The following EPHB2 variants were observed in gnomAD, a reference collection of about 807,000 sequenced individuals.
EPHB2 encodes the protein ephrin type-B receptor 2.
In EPHB2, 18 loss-of-function variants were observed where a neutral mutation model predicts 96.4. The observed-to-expected ratio is 0.19, with a 90% CI of 0.13 to 0.28. The LOEUF (loss-of-function observed/expected upper bound fraction) is 0.28. Among genes scored for constraint, EPHB2 ranks in the 10% least tolerant of loss-of-function variants. The probability of loss-of-function intolerance (pLI) is 1.00; values close to 1 mark genes in which losing one functional copy is unlikely to be tolerated. For synonymous variants in EPHB2, 506 were observed against 534.1 expected (o/e 0.95, Z 0.72); for missense variants, 989 against 1,355.4 (o/e 0.73, Z 4.25).
At chr1:22,778,662 T>G (rs1308685794) in intron 1 of EPHB2, among the ~76,000 whole-genome samples, 1 of 152,184 alleles carries the variant, frequency 6.6e-6, no homozygotes, top group African/African-American at 2.4e-5. Context: ...TTGCGTTCCC[T>G]TTGTGTCTGC....
intron 1 of EPHB2, among the ~76,000 whole-genome samples, chr1:22,772,009 G>A (rs568243266): frequency 5.3e-4 from 80 of 152,174 alleles, no homozygotes; most frequent in Non-Finnish European, 8.8e-4. Flanking sequence ...GGCTGTTCCC[G>A]TCCCTGCCTC....
At chr1:22,876,543 CT>C (rs1402779456) in intron 5 of EPHB2, among the ~76,000 whole-genome samples, 1 of 152,198 alleles carries the variant, frequency 6.6e-6, no homozygotes, top group Admixed American at 6.5e-5. Context: ...CCTGGCCGGC[CT>C]CCCCCTGCCC....
rs572120872 is a variant in EPHB2, at chr1:22,779,107, C to T, written c.62-2314C>T. ...GGCCCAGGCAGAGAGCCCGGCTTGG[C>T]GCGTCTCTGGCTGAGGCCGATGAGA... is the stretch of plus-strand genomic sequence containing the variant. On this transcript the variant is annotated intron_variant, in intron 1 of 15. Coordinates refer to ENST00000374630, the MANE Select transcript of EPHB2 (RefSeq NM_017449.5). Among the ~76,000 whole-genome samples the T allele has an allele frequency of 7.9e-5, 12 of 152,334 alleles. No homozygotes were observed. The South Asian group carries it at 1.7e-3, about 21-fold the overall frequency.
chr1:22,832,644 C>A (rs1316676088), intron 3 of EPHB2, among the ~76,000 whole-genome samples: 1 of 152,178 alleles, frequency 6.6e-6, no homozygotes, highest in African/African-American at 2.4e-5. Context: ...GATGCCTCTT[C>A]CTCCAGGAAT....
chr1:22,865,004 TGGCTCG>T lies in EPHB2; in HGVS notation c.1099_1104del (p.Ser367_Gly368del), dbSNP rs1176762555. 2 of 1,611,072 alleles carry T rather than the reference TGGCTCG, an allele frequency of 1.2e-6. No individual in the cohort carries two copies. Among genetic ancestry groups the T allele is most frequent in the Non-Finnish European group, 8.5e-7 (1 of 1,177,692 alleles). On this transcript the variant is annotated inframe_deletion, in exon 5 of 16. Coordinates refer to ENST00000374630, the MANE Select transcript of EPHB2 (RefSeq NM_017449.5). The stretch of plus-strand genomic sequence containing the variant: ...TCTACAACATCATCTGCAAGAGCTG[TGGCTCG>T]GGCCGGGGTGCCTGCACCCGCTGCG...
chr1:22,834,410 C>A (rs1479481328), intron 3 of EPHB2, among the ~76,000 whole-genome samples: 1 of 152,032 alleles, frequency 6.6e-6, no homozygotes, highest in Admixed American at 6.6e-5. Context: ...TGACTTCGGA[C>A]GATTAAAATA....
chr1:22,902,514 C>T (rs1055633803), intron 9 of EPHB2, among the ~76,000 whole-genome samples: 2 of 152,210 alleles, frequency 1.3e-5, no homozygotes, highest in African/African-American at 4.8e-5. Flanking sequence ...GGAGCATACA[C>T]ACACAGGAAT....
intron 3 of EPHB2, among the ~76,000 whole-genome samples, chr1:22,853,832 G>A (rs907709521): frequency 2.6e-5 from 4 of 152,248 alleles, no homozygotes; most frequent in African/African-American, 9.6e-5. Context: ...GGGAGCCACC[G>A]AAGGGTCCTG....
chr1:22,743,679 G>A (rs1643931288), intron 1 of EPHB2, among the ~76,000 whole-genome samples: 1 of 151,888 alleles, frequency 6.6e-6, no homozygotes, highest in Non-Finnish European at 1.5e-5. Context: ...CACCACGTTG[G>A]CCAGGCTGGT....
At chr1:22,861,824 A>G (rs891711429) in intron 3 of EPHB2, among the ~76,000 whole-genome samples, 1 of 152,234 alleles carries the variant, frequency 6.6e-6, no homozygotes, top group East Asian at 1.9e-4. Context: ...TTAATTGTTT[A>G]CATACACAGA....
chr1:22,848,717 T>C (rs754733842), intron 3 of EPHB2, among the ~76,000 whole-genome samples: 1 of 152,106 alleles, frequency 6.6e-6, no homozygotes, highest in Non-Finnish European at 1.5e-5. Context: ...ATCCTTGTTG[T>C]TTGTATTTCC....
chr1:22,819,631 C>T (rs1645124966), intron 3 of EPHB2, among the ~76,000 whole-genome samples: 1 of 152,140 alleles, frequency 6.6e-6, no homozygotes, highest in Admixed American at 6.5e-5. Context: ...CTCAGCCTGA[C>T]AGATCTTGAC....
At chr1:22,815,780 G>A (rs1422086722) in intron 3 of EPHB2, among the ~76,000 whole-genome samples, 1 of 152,200 alleles carries the variant, frequency 6.6e-6, no homozygotes, top group Non-Finnish European at 1.5e-5. Flanking sequence ...GGCCCTGGGC[G>A]AAGGTCCGGA....
Position 22,896,468 on chromosome 1 carries a change from C to T in EPHB2, c.1755C>T (p.Thr585=), listed in dbSNP as rs1196483397. 1 of 1,614,174 alleles carries T rather than the reference C, an allele frequency of 6.2e-7. No homozygotes were observed. Among genetic ancestry groups the T allele is most frequent in the East Asian group, 2.2e-5 (1 of 44,882 alleles). ...SEYTDKLQHY[T]SGHMTPGMKI... is the part of the protein sequence containing the mutation. ...ACACGGACAAGCTGCAACACTACAC[C>T]AGTGGCCACAGTATGTACACACCCA... The change falls in exon 9 of 16, where the codon ACC becomes ACT. Residue 585 remains threonine (T), a synonymous_variant. Coordinates refer to ENST00000374630, the MANE Select transcript of EPHB2 (RefSeq NM_017449.5).
chr1:22,842,118 C>T (rs1292091690), intron 3 of EPHB2, among the ~76,000 whole-genome samples: 1 of 152,022 alleles, frequency 6.6e-6, no homozygotes, highest in East Asian at 1.9e-4. Context: ...ACTTTCTTCT[C>T]TTTCAACTTT....
At position 22,908,092 on chromosome 1, in the gene EPHB2, T is replaced by C. The variant is rs778043794; in HGVS notation, c.2276T>C (p.Val759Ala). The C allele has an allele frequency of 1.2e-6, 2 of 1,614,228 alleles. No individual in the cohort carries two copies. The highest frequency in any genetic ancestry group is 1.7e-6 in the Non-Finnish European group (2 of 1,180,038). Residue 759 changes from valine (V) to alanine (A), a missense_variant, in exon 12 of 16, where the codon GTC (valine) becomes GCC (alanine). By Grantham distance (64) the Val-to-Ala change is moderately conservative. Coordinates refer to ENST00000374630, the MANE Select transcript of EPHB2 (RefSeq NM_017449.5). ...ARNILVNSNL[V>A]CKVSDFGLSR... ...AACATCCTCGTCAACAGCAACCTGG[T>C]CTGCAAGGTGTCGGACTTTGGGCTC...
At chr1:22,819,815 GAT>G (rs1491188658) in intron 3 of EPHB2, among the ~76,000 whole-genome samples, 6 of 20,698 alleles carry the variant, frequency 2.9e-4, no homozygotes, top group Non-Finnish European at 7.7e-4. Context: ...ACAAATTGAT[GAT>G]TTTTTTTTTT....
chr1:22,769,357 ATTTC>A (rs1243394165), intron 1 of EPHB2, among the ~76,000 whole-genome samples: 1 of 152,082 alleles, frequency 6.6e-6, no homozygotes, highest in Admixed American at 6.6e-5. Context: ...AAATCAGTAA[ATTTC>A]TTTAAGTCAG....
intron 1 of EPHB2, among the ~76,000 whole-genome samples, chr1:22,770,004 G>T (rs1210143783): frequency 6.6e-6 from 1 of 152,078 alleles, no homozygotes; most frequent in African/African-American, 2.4e-5. Flanking sequence ...ATGAGTAGAT[G>T]AATAGATAGA....
Sources: gnomAD v4.1 joint callset for allele counts (sites outside exome capture counted in the v4.1 genomes callset) on GRCh38, gnomAD v4.1.1 for gene constraint, MANE v1.5 for transcripts, NCBI Gene and HGNC (gene_info 2026-07-23, HGNC 2026-07-21) for gene names.